CACNA2D4: variants seen among roughly 807,000 people sequenced by gnomAD.
CACNA2D4 encodes the protein calcium voltage-gated channel auxiliary subunit alpha2delta 4.
Under a neutral mutation model 163.8 loss-of-function variants are expected in CACNA2D4, and 157 were observed. That is an observed-to-expected ratio of 0.96 (90% confidence interval 0.84 to 1.09). CACNA2D4 has a LOEUF of 1.09. Among genes scored for constraint, CACNA2D4 ranks in the 50% least tolerant of loss-of-function variants. The pLI, the probability that CACNA2D4 is intolerant of heterozygous loss-of-function variation, is 0.00. For missense variants in CACNA2D4, 1,410 were observed against 1,479.9 expected (o/e 0.95, Z 0.78); for synonymous variants, 598 against 586.9 (o/e 1.02, Z -0.27).
At position 1,840,759 on chromosome 12, in the gene CACNA2D4, T is replaced by C. The variant is rs764977584; in HGVS notation, c.2531A>G (p.Lys844Arg). 2 of 1,613,918 alleles carry C rather than the reference T, an allele frequency of 1.2e-6. No individual in the cohort carries two copies. The highest frequency in any genetic ancestry group is 1.7e-6 in the Non-Finnish European group (2 of 1,179,866). The change falls in exon 26 of 38, where the codon AAG becomes AGG. Residue 844 changes from lysine (K) to arginine (R), a missense_variant. Physicochemically the swap from Lys to Arg is conservative, Grantham distance 26 (BLOSUM62 2). Transcript: ENST00000382722. Reference protein sequence around the residue: ...ASTAVAVTVDKRTAIAAAAGV... With the variant: ...ASTAVAVTVDRRTAIAAAAGV... ...CCTACCTGCAGCAATGGCTGTCCTCTTGTCCACGGTCACCGCCACAGCTGT... is the reference window on the plus strand; with the variant it reads ...CCTACCTGCAGCAATGGCTGTCCTCCTGTCCACGGTCACCGCCACAGCTGT...
At chr12:1,876,276 T>C (rs559982203) in intron 16 of CACNA2D4, among the ~76,000 whole-genome samples, 20 of 152,360 alleles carry the variant, frequency 1.3e-4, no homozygotes, top group South Asian at 4.2e-4. Context: ...AATATTTGAA[T>C]GGGACGGAGA....
At position 1,917,700 on chromosome 12, in the gene CACNA2D4, G is replaced by A. The variant is rs1187580465; in HGVS notation, c.227+547C>T. Among the ~76,000 whole-genome samples the A allele has an allele frequency of 6.6e-6, 1 of 152,228 alleles. No individual in the cohort carries two copies. The highest frequency in any genetic ancestry group is 2.4e-5 in the African/African-American group (1 of 41,456). On this transcript the variant is annotated intron_variant, in intron 1 of 37. Transcript: ENST00000382722. The surrounding 1 kb of genome is among the most constrained non-coding windows in gnomAD (Gnocchi z 4.3). ...GCTAGAGAATCAAGGTTGGAAGGAG[G>A]CAGAAAGGTGTAGAAAGGGAAGACT...
intron 29 of CACNA2D4, among the ~76,000 whole-genome samples, chr12:1,808,619 C>T (rs2154445748): frequency 6.6e-6 from 1 of 152,362 alleles, no homozygotes; most frequent in South Asian, 2.1e-4. Context: ...TCCCTCTGTC[C>T]TGCCACCTCC....
rs536275908 is a variant in CACNA2D4, at chr12:1,794,559, C to A, written c.3309+740G>T. ...CAGACTGGCTGTAAATCTAGGGTTC[C>A]CATGAGCCTGTCTCAGGCTCCGTGA... On this transcript the variant is annotated intron_variant, in intron 37 of 37. Coordinates refer to ENST00000382722, the MANE Select transcript of CACNA2D4 (RefSeq NM_172364.5). Among the ~76,000 whole-genome samples, 3 of 152,290 alleles carry A rather than the reference C, an allele frequency of 2.0e-5. No individual in the cohort carries two copies. The East Asian group carries it at 5.8e-4, about 29-fold the overall frequency.
intron 19 of CACNA2D4, among the ~76,000 whole-genome samples, chr12:1,859,539 G>A (rs1230658415): frequency 3.3e-5 from 5 of 152,176 alleles, no homozygotes; most frequent in African/African-American, 4.8e-5. Flanking sequence ...ACAGTTGCAC[G>A]GAACCTGAGA....
chr12:1,795,818 C>A lies in CACNA2D4; in HGVS notation c.3114-38G>T, dbSNP rs749201908. ...AAGGGAGTCGAGGATGGCTCCGTGG[C>A]GACCACGAGAAGGGCTTCTAGGGAA... is the stretch of plus-strand genomic sequence containing the variant. On this transcript the variant is annotated intron_variant, in intron 35 of 37. Coordinates refer to ENST00000382722, the MANE Select transcript of CACNA2D4 (RefSeq NM_172364.5). 1.1e-5 allele frequency: 15 copies of A among 1,325,854 alleles called. No individual in the cohort carries two copies. The African/African-American group carries it at 2.2e-4, about 19-fold the overall frequency. The allele number at this position is 1,325,854 out of a possible 1,614,324, so 82.1% of individuals were successfully genotyped here.
chr12:1,867,156 G>T (rs1466873176), intron 18 of CACNA2D4, among the ~76,000 whole-genome samples: 2 of 152,140 alleles, frequency 1.3e-5, no homozygotes, highest in Non-Finnish European at 2.9e-5. Flanking sequence ...GCTGGACTAT[G>T]AAGTACCCAG....
rs995839050 is a variant in CACNA2D4 at position 1,828,283 on chromosome 12, C to G, written c.2551+12456G>C. ...GGGGTGCCGAGGTGACTGTAGGTAG[C>G]GCCATATGGGACCTTAGCCACACTC... On this transcript the variant is annotated intron_variant, in intron 26 of 37. Coordinates refer to ENST00000382722, the MANE Select transcript of CACNA2D4 (RefSeq NM_172364.5). The surrounding 1 kb of genome is among the most constrained non-coding windows in gnomAD (Gnocchi z 4.2). The G allele has an allele frequency of 7.4e-6, 10 of 1,358,480 alleles. No homozygotes were observed. Among genetic ancestry groups the G allele is most frequent in the Admixed American group, 2.3e-5 (1 of 43,372 alleles). 84.2% of individuals were successfully genotyped at this position (1,358,480 alleles called of 1,614,324 possible).
intron 18 of CACNA2D4, among the ~76,000 whole-genome samples, chr12:1,864,047 A>G (rs1332617435): frequency 6.6e-6 from 1 of 152,254 alleles, no homozygotes; most frequent in African/African-American, 2.4e-5. Flanking sequence ...CATCCCGTCC[A>G]AAGACAAATG....
intron 26 of CACNA2D4, chr12:1,830,984 C>T (rs779848631): frequency 6.2e-7 from 1 of 1,613,830 alleles, no homozygotes; most frequent in East Asian, 2.2e-5. Flanking sequence ...TCCCCACCTG[C>T]CCTTTCTCCT....
chr12:1,827,786 G>A (rs577743297), intron 26 of CACNA2D4: 56 of 253,594 alleles, frequency 2.2e-4, no homozygotes, highest in African/African-American at 9.5e-4. Context: ...CAACATACTC[G>A]GGAGGCAACA....
At chr12:1,805,738 G>A (rs913898002) in intron 29 of CACNA2D4, among the ~76,000 whole-genome samples, 1 of 152,178 alleles carries the variant, frequency 6.6e-6, no homozygotes, top group Admixed American at 6.5e-5. Context: ...AGTGGAGCAG[G>A]GCCATTTGGG....
At position 1,913,152 on chromosome 12, in the gene CACNA2D4, A is replaced by G. The variant is rs1194321596; in HGVS notation, c.310-13T>C. 1.3e-6 allele frequency: 2 copies of G among 1,574,272 alleles called. No homozygotes were observed. Among genetic ancestry groups the G allele is most frequent in the South Asian group, 2.2e-5 (2 of 90,184 alleles). Reference sequence around the variant, plus strand: ...CATCCTTGTACTTCTGTTTGGGGAAAGTGGGAGAGATGCGTGCATGTGGTT... The same window carrying G: ...CATCCTTGTACTTCTGTTTGGGGAAGGTGGGAGAGATGCGTGCATGTGGTT... On this transcript the variant is annotated splice_polypyrimidine_tract_variant and intron_variant, in intron 2 of 37. Coordinates refer to ENST00000382722, the MANE Select transcript of CACNA2D4 (RefSeq NM_172364.5).
chr12:1,844,362 G>A lies in CACNA2D4; in HGVS notation c.2470+40C>T. On this transcript the variant is annotated intron_variant, in intron 25 of 37. Coordinates refer to ENST00000382722, the MANE Select transcript of CACNA2D4 (RefSeq NM_172364.5). This position sits in a 1 kb window ranked among gnomAD's most constrained non-coding sequence, Gnocchi z 4.2. ...GCAGGAGGAGAGATGAGACTGGCCTGAGACTGGCCCAGCCCCGGGAGCACC... is the reference window on the plus strand; with the variant it reads ...GCAGGAGGAGAGATGAGACTGGCCTAAGACTGGCCCAGCCCCGGGAGCACC... 2 of 1,607,334 alleles carry A rather than the reference G, an allele frequency of 1.2e-6. No individual in the cohort carries two copies. The highest frequency in any genetic ancestry group is 1.7e-6 in the Non-Finnish European group (2 of 1,176,276).
chr12:1,797,912 G>T (rs1279286556), intron 34 of CACNA2D4, among the ~76,000 whole-genome samples: 1 of 152,306 alleles, frequency 6.6e-6, no homozygotes, highest in East Asian at 1.9e-4. Flanking sequence ...CCAAGGGGTG[G>T]CTTGGGGGTA....
At chr12:1,872,131 G>C (rs1039484081) in intron 18 of CACNA2D4, among the ~76,000 whole-genome samples, 6 of 152,182 alleles carry the variant, frequency 3.9e-5, no homozygotes, top group African/African-American at 1.4e-4. Context: ...CATCCTAGAT[G>C]TTGGCCCAGG....
Position 1,834,232 on chromosome 12 carries a change from C to G in CACNA2D4, c.2551+6507G>C, listed in dbSNP as rs371260705. 1 of 1,521,164 alleles carries G rather than the reference C, an allele frequency of 6.6e-7. No individual in the cohort carries two copies. Among genetic ancestry groups the G allele is most frequent in the East Asian group, 2.3e-5 (1 of 43,902 alleles). The allele number at this position is 1,521,164 out of a possible 1,614,324, so 94.2% of individuals were successfully genotyped here. Reference sequence around the variant, plus strand: ...GGAGAGGGAGTGCAAGTTCTAGATGCCTGGTCAGCCCCTCTTTTTCTCTTC... The same window carrying G: ...GGAGAGGGAGTGCAAGTTCTAGATGGCTGGTCAGCCCCTCTTTTTCTCTTC... On this transcript the variant is annotated intron_variant, in intron 26 of 37. Transcript: ENST00000382722. The surrounding 1 kb of genome is among the most constrained non-coding windows in gnomAD (Gnocchi z 7.6).
intron 36 of CACNA2D4, 141 bp downstream of exon 36, chr12:1,795,527 G>T: frequency 1.1e-6 from 1 of 947,432 alleles, no homozygotes; most frequent in Non-Finnish European, 1.6e-6. Flanking sequence ...GCCCAGGGAA[G>T]GGTTAGAGAA....
rs987454591 is a variant in CACNA2D4 at position 1,829,197 on chromosome 12, C to A, written c.2551+11542G>T. 1.3e-5 allele frequency among the ~76,000 whole-genome samples: 2 copies of A among 152,176 alleles called. No individual in the cohort carries two copies. Among genetic ancestry groups the A allele is most frequent in the Non-Finnish European group, 2.9e-5 (2 of 68,044 alleles). On this transcript the variant is annotated intron_variant, in intron 26 of 37. Transcript: ENST00000382722. This position sits in a 1 kb window ranked among gnomAD's most constrained non-coding sequence, Gnocchi z 4.2. ...GGCGCAGGGAGTCGCTCTTCCGCAG[C>A]GGCTCTCTTAGCCTGCTGTCAGGCC...
Sources: allele counts gnomAD v4.1 joint callset (sites outside exome capture counted in the v4.1 genomes callset), GRCh38; gene constraint gnomAD v4.1.1; non-coding constraint Gnocchi (gnomAD v3.1); transcripts MANE v1.5; gene names NCBI Gene and HGNC (gene_info 2026-07-23, HGNC 2026-07-21).